The following G2E3 variants were observed in gnomAD, a reference collection of about 807,000 sequenced individuals.
G2E3 encodes the protein G2/M-phase specific E3 ubiquitin protein ligase, also known as G2/M phase-specific E3 ubiquitin-protein ligase.
Under a neutral mutation model 92.8 loss-of-function variants are expected in G2E3, and 35 were observed. The observed-to-expected ratio is 0.38, with a 90% CI of 0.29 to 0.50. The LOEUF (loss-of-function observed/expected upper bound fraction) is 0.50. G2E3 is among the 20% of genes least tolerant of loss of function. The pLI is 0.94. For synonymous variants in G2E3, 242 were observed against 272.4 expected (o/e 0.89, Z 1.10); for missense variants, 554 against 823.8 (o/e 0.67, Z 4.01).
intron 11 of G2E3, 40 bp downstream of exon 11, chr14:30,605,852 A>C (rs1435163570): frequency 2.8e-6 from 3 of 1,056,664 alleles, no homozygotes; most frequent in Non-Finnish European, 4.1e-6. Flanking sequence ...CAAATATCAC[A>C]TGTATAGAAA....
chr14:30,595,837 A>G (rs770263927), intron 6 of G2E3, among the ~76,000 whole-genome samples: 31 of 152,130 alleles, frequency 2.0e-4, no homozygotes, highest in African/African-American at 7.0e-4. Flanking sequence ...ATTTTGGGAG[A>G]AGAGACTAGA....
rs997211061 is a variant in G2E3, at chr14:30,605,292, T to C, written c.1011-213T>C. Among the ~76,000 whole-genome samples the C allele has an allele frequency of 3.3e-5, 5 of 152,276 alleles. No homozygotes were observed. In the East Asian group the frequency reaches 7.7e-4, roughly 23 times the overall value. On this transcript the variant is annotated intron_variant, in intron 10 of 14. Coordinates refer to ENST00000206595, the MANE Select transcript of G2E3 (RefSeq NM_017769.5). The stretch of plus-strand genomic sequence containing the variant: ...TACATGATTCTAATTTGGTAAAAGA[T>C]TGGGGTGAGGAATCAAGAATTTAAA...
Position 30,605,710 on chromosome 14 carries a change from C to G in G2E3, c.1216C>G (p.Pro406Ala). The change falls in exon 11 of 15, where the codon CCT (proline) becomes GCT (alanine). Residue 406 changes from proline (P) to alanine (A), a missense_variant. This residue lies in a region of G2E3 where 397 missense variants were observed against 560.3 expected (regional missense o/e 0.71). Coordinates refer to ENST00000206595, the MANE Select transcript of G2E3 (RefSeq NM_017769.5). ...AAATGATAATTTTGGAAGTGAGCAT[C>G]CTGGATCAAAGCAAGAATTTCTGAG... ...IENDNFGSEH[P>A]GSKQEFLSLL... 1 of 1,606,696 alleles carries G rather than the reference C, an allele frequency of 6.2e-7. No homozygotes were observed. The highest frequency in any genetic ancestry group is 8.5e-7 in the Non-Finnish European group (1 of 1,174,534).
intron 6 of G2E3, among the ~76,000 whole-genome samples, chr14:30,595,062 C>T (rs909413276): frequency 1.3e-5 from 2 of 152,104 alleles, no homozygotes; most frequent in South Asian, 2.1e-4. Flanking sequence ...CGCTTGAACC[C>T]GGGAGGTAGA....
intron 1 of G2E3, chr14:30,573,357 G>A (rs1041783768): frequency 5.3e-5 from 8 of 151,690 alleles, no homozygotes; most frequent in African/African-American, 1.5e-4. Flanking sequence ...CTATCCCGAG[G>A]TAACATGGGT....
In G2E3 at chr14:30,592,417, A is replaced by G. The variant is rs373199467; in HGVS notation, c.332A>G (p.Glu111Gly). ...CATTTCCCATGTGGACTTCAGAGAG[A>G]ATGTATTTTCCAGTTTACTGGCAAT... ...SYHFPCGLQR[E>G]CIFQFTGNFA... Residue 111 changes from glutamate (E) to glycine (G), a missense_variant, in exon 5 of 15, where the codon GAA becomes GGA. Coordinates refer to ENST00000206595, the MANE Select transcript of G2E3 (RefSeq NM_017769.5). The G allele has an allele frequency of 1.1e-5, 18 of 1,591,976 alleles. No individual in the cohort carries two copies. The highest frequency in any genetic ancestry group is 1.5e-5 in the Non-Finnish European group (18 of 1,172,744).
At chr14:30,580,878 C>T (rs1394656772) in intron 1 of G2E3, 198 bp from the exon 2 acceptor site, 4 of 502,548 alleles carry the variant, frequency 8.0e-6, no homozygotes, top group Non-Finnish European at 1.1e-5. Context: ...AAAACATTCC[C>T]TTCAATTTAA....
At chr14:30,584,132 C>T (rs76941714) in intron 2 of G2E3, among the ~76,000 whole-genome samples, 3,924 of 152,146 alleles carry the variant, frequency 0.026, 173 homozygotes, top group African/African-American at 0.09. Flanking sequence ...TATTGTGACC[C>T]TTTGTGTGTG....
At chr14:30,562,891 C>G (rs1340336133) in intron 1 of G2E3, among the ~76,000 whole-genome samples, 1 of 152,232 alleles carries the variant, frequency 6.6e-6, no homozygotes, top group Non-Finnish European at 1.5e-5. Flanking sequence ...GAAGGGCCCC[C>G]TGTCCAGTGG....
At chr14:30,612,905 T>C (rs1354922918) in intron 13 of G2E3, among the ~76,000 whole-genome samples, 9 of 152,180 alleles carry the variant, frequency 5.9e-5, no homozygotes. Flanking sequence ...TTCATAGAAA[T>C]AACCACTGCT....
intron 1 of G2E3, among the ~76,000 whole-genome samples, chr14:30,578,597 C>G (rs1880253833): frequency 6.6e-6 from 1 of 152,124 alleles, no homozygotes; most frequent in Admixed American, 6.5e-5. Context: ...TTTGTGGTGT[C>G]TAGGTTGGAT....
intron 3 of G2E3, among the ~76,000 whole-genome samples, chr14:30,587,606 A>G (rs892327788): frequency 9.9e-5 from 15 of 152,242 alleles, no homozygotes; most frequent in African/African-American, 3.6e-4. Flanking sequence ...GTCAGATTAC[A>G]GCTGAAGACT....
chr14:30,617,429 A>G lies in G2E3; in HGVS notation c.*895A>G, dbSNP rs551211509. On this transcript the variant is annotated 3_prime_UTR_variant, in exon 15 of 15. Coordinates refer to ENST00000206595, the MANE Select transcript of G2E3 (RefSeq NM_017769.5). Reference sequence around the variant, plus strand: ...TTGTTGTTGTTGTTGTTTGTATCCTATGTTTGGTATTCTGTATGTCTGATC... The same window carrying G: ...TTGTTGTTGTTGTTGTTTGTATCCTGTGTTTGGTATTCTGTATGTCTGATC... 2 of 152,046 alleles carry G rather than the reference A, an allele frequency of 1.3e-5. No homozygotes were observed. Among genetic ancestry groups the G allele is most frequent in the South Asian group, 2.1e-4 (1 of 4,798 alleles). The allele number at this position is 152,046 out of a possible 1,614,324, so 9.4% of individuals were successfully genotyped here.
chr14:30,567,230 T>G (rs1594461083), intron 1 of G2E3, among the ~76,000 whole-genome samples: 1 of 152,160 alleles, frequency 6.6e-6, no homozygotes, highest in Non-Finnish European at 1.5e-5. Context: ...TGGAGGGGTT[T>G]GAGAAAGATT....
chr14:30,568,385 G>T (rs1038651955), intron 1 of G2E3, among the ~76,000 whole-genome samples: 15 of 151,996 alleles, frequency 9.9e-5, no homozygotes, highest in South Asian at 2.1e-4. Context: ...CTTTTAATTG[G>T]AGCGTGTAAT....
chr14:30,587,829 C>CA (rs1454194332), intron 3 of G2E3, among the ~76,000 whole-genome samples: 1 of 152,186 alleles, frequency 6.6e-6, no homozygotes, highest in Non-Finnish European at 1.5e-5. Context: ...ATGACCTAGT[C>CA]ATCACAGCCA....
intron 1 of G2E3, among the ~76,000 whole-genome samples, chr14:30,576,495 G>A (rs987253645): frequency 5.3e-5 from 8 of 152,100 alleles, no homozygotes; most frequent in African/African-American, 9.7e-5. Flanking sequence ...AAAACCAATC[G>A]CAACAAAAGC....
At chr14:30,604,943 C>G (rs760178930) in intron 10 of G2E3, among the ~76,000 whole-genome samples, 5 of 152,110 alleles carry the variant, frequency 3.3e-5, no homozygotes, top group Non-Finnish European at 7.4e-5. Flanking sequence ...GTTGCCCAGG[C>G]TGGAGTGCAA....
Position 30,605,611 on chromosome 14 carries a change from A to C in G2E3, c.1117A>C (p.Asn373His). 6.3e-7 allele frequency: 1 copy of C among 1,581,996 alleles called. No individual in the cohort carries two copies. The highest frequency in any genetic ancestry group is 1.7e-5 in the Admixed American group (1 of 59,680). Reference sequence around the variant, plus strand: ...GTATATCAACAAAGCCAATATCTGGAATAGTGCCTTAGATGCATTCAGAAA... The same window carrying C: ...GTATATCAACAAAGCCAATATCTGGCATAGTGCCTTAGATGCATTCAGAAA... ...RLYINKANIW[N>H]SALDAFRNRN... Residue 373 changes from asparagine to histidine, a missense_variant, in exon 11 of 15, where the codon AAT becomes CAT. By Grantham distance (68) the Asn-to-His change is moderately conservative. Coordinates refer to ENST00000206595, the MANE Select transcript of G2E3 (RefSeq NM_017769.5).
Sources: allele counts gnomAD v4.1 joint callset (sites outside exome capture counted in the v4.1 genomes callset), GRCh38; gene constraint gnomAD v4.1.1; regional missense constraint gnomAD v4.1.1; transcripts MANE v1.5; gene names NCBI Gene and HGNC (gene_info 2026-07-23, HGNC 2026-07-21).